MPP7: variants seen among roughly 807,000 people sequenced by gnomAD.
MPP7 encodes the protein MAGUK p55 subfamily member 7.
Under a neutral mutation model 76.5 loss-of-function variants are expected in MPP7, and 60 were observed. The ratio of observed to expected loss-of-function variants is 0.78; its 90% CI spans 0.64 to 0.97. MPP7 has a LOEUF of 0.97. MPP7 is among the 50% of genes least tolerant of loss of function. The pLI is 0.00. For missense variants in MPP7, 641 were observed against 694.0 expected (o/e 0.92, Z 0.86); for synonymous variants, 237 against 244.5 (o/e 0.97, Z 0.29).
intron 11 of MPP7, among the ~76,000 whole-genome samples, chr10:28,114,209 G>A (rs1458892897): frequency 6.6e-6 from 1 of 152,164 alleles, no homozygotes; most frequent in African/African-American, 2.4e-5. Flanking sequence ...CCAGCAGTTT[G>A]AGATCAGCGT....
At chr10:28,262,569 C>A (rs1299309992) in intron 1 of MPP7, among the ~76,000 whole-genome samples, 2 of 152,002 alleles carry the variant, frequency 1.3e-5, no homozygotes, top group Admixed American at 1.3e-4. Flanking sequence ...GCCTTTGGCC[C>A]TTTGGAAGCC....
At chr10:28,154,785 T>C (rs1835997972) in intron 3 of MPP7, among the ~76,000 whole-genome samples, 1 of 151,830 alleles carries the variant, frequency 6.6e-6, no homozygotes, top group African/African-American at 2.4e-5. Flanking sequence ...AATCCAGAGA[T>C]ATATAATCTG....
chr10:28,268,457 C>T (rs577387084), intron 1 of MPP7, among the ~76,000 whole-genome samples: 2 of 152,074 alleles, frequency 1.3e-5, no homozygotes, highest in African/African-American at 2.4e-5. Context: ...AGGGGCCAGG[C>T]GCGGTGGCTC....
Position 28,059,747 on chromosome 10 carries a change from T to C in MPP7, c.1205-4A>G, listed in dbSNP as rs1564610481. The stretch of plus-strand genomic sequence containing the variant: ...CTTCTTCTTGCTCTGGTGGTATCTA[T>C]GATTTAATGAAAAGGAGTTTAGAAA... On this transcript the variant is annotated splice_polypyrimidine_tract_variant and splice_region_variant and intron_variant, in intron 13 of 16. Transcript: ENST00000683449. The C allele has an allele frequency of 1.2e-6, 2 of 1,603,366 alleles. No homozygotes were observed. Among genetic ancestry groups the C allele is most frequent in the South Asian group, 1.1e-5 (1 of 90,154 alleles).
In MPP7 at chr10:28,134,781, T is replaced by C. The variant is rs565852547; in HGVS notation, c.316-3090A>G. Among the ~76,000 whole-genome samples, 6 of 151,694 alleles carry C rather than the reference T, an allele frequency of 4.0e-5. No individual in the cohort carries two copies. The South Asian group carries it at 6.2e-4, about 16-fold the overall frequency. On this transcript the variant is annotated intron_variant, in intron 5 of 16. Coordinates refer to ENST00000683449, the MANE Select transcript of MPP7 (RefSeq NM_001318170.2). ...AAAGGCAAAGAGAAGATCCTAAAAGTACTCAGAGCAAAAAAAGATAGATCA... is the reference window on the plus strand; with the variant it reads ...AAAGGCAAAGAGAAGATCCTAAAAGCACTCAGAGCAAAAAAAGATAGATCA...
chr10:28,165,535 G>GA (rs11366770), intron 3 of MPP7, among the ~76,000 whole-genome samples: 16 of 135,760 alleles, frequency 1.2e-4, no homozygotes, highest in African/African-American at 1.9e-4. Context: ...CTAAGAAAAG[G>GA]AAAAAAAAAA....
At chr10:28,075,679 A>G (rs1254049301) in intron 12 of MPP7, among the ~76,000 whole-genome samples, 1 of 152,054 alleles carries the variant, frequency 6.6e-6, no homozygotes, top group African/African-American at 2.4e-5. Flanking sequence ...TCACCTGACT[A>G]ATTCTCGCTT....
intron 3 of MPP7, among the ~76,000 whole-genome samples, chr10:28,162,824 T>A (rs149852608): frequency 6.6e-6 from 1 of 152,256 alleles, no homozygotes; most frequent in African/African-American, 2.4e-5. Flanking sequence ...GTCTTGCAGG[T>A]ACATGCCTAA....
chr10:28,319,513 C>CA lies in MPP7; in HGVS notation c.-132+10415dup, dbSNP rs202183110. Among the ~76,000 whole-genome samples, 993 of 150,634 alleles carry CA rather than the reference C, an allele frequency of 6.6e-3. 16 individuals are homozygous for CA. Among genetic ancestry groups the CA allele is most frequent in the African/African-American group, 0.023 (948 of 40,946 alleles). On this transcript the variant is annotated intron_variant, in intron 2 of 11. Coordinates refer to the MPP7 transcript ENST00000441595. ...GCAACATGGCAAAACCCCGTCTCTA[C>CA]AAAAAAATACAAAAATTAGCCCAGC... is the stretch of plus-strand genomic sequence containing the variant.
intron 1 of MPP7, among the ~76,000 whole-genome samples, chr10:28,271,949 C>T (rs544597665): frequency 2.6e-5 from 4 of 152,004 alleles, no homozygotes; most frequent in South Asian, 2.1e-4. Flanking sequence ...CACTCCAGCC[C>T]GGGTGACAGA....
chr10:28,330,236 G>T (rs534004245), intron 1 of MPP7, among the ~76,000 whole-genome samples: 1 of 152,310 alleles, frequency 6.6e-6, no homozygotes, highest in East Asian at 1.9e-4. Context: ...GCACTGGAGG[G>T]TGACTAAAAT....
chr10:28,248,561 C>G (rs1345134760), intron 1 of MPP7, among the ~76,000 whole-genome samples: 2 of 152,132 alleles, frequency 1.3e-5, no homozygotes, highest in East Asian at 3.9e-4. Context: ...TGTGCCCATC[C>G]CAACTTCATG....
intron 1 of MPP7, among the ~76,000 whole-genome samples, chr10:28,262,887 C>T (rs1214670883): frequency 6.6e-6 from 1 of 152,042 alleles, no homozygotes; most frequent in Non-Finnish European, 1.5e-5. Context: ...GAAACCCCAT[C>T]GCTACTAAAA....
intron 1 of MPP7, among the ~76,000 whole-genome samples, chr10:28,280,908 C>CTTTCTCT (rs1321284289): frequency 6.6e-6 from 1 of 151,934 alleles, no homozygotes; most frequent in Non-Finnish European, 1.5e-5. Context: ...AAATGCATGC[C>CTTTCTCT]TTGTACACAT....
Position 28,278,602 on chromosome 10 carries a change from G to T in MPP7, c.-132+24259C>A, listed in dbSNP as rs1032337132. Among the ~76,000 whole-genome samples, 7 of 151,994 alleles carry T rather than the reference G, an allele frequency of 4.6e-5. No homozygotes were observed. The East Asian group carries it at 7.7e-4, about 17-fold the overall frequency. On this transcript the variant is annotated intron_variant, in intron 1 of 16. Coordinates refer to ENST00000683449, the MANE Select transcript of MPP7 (RefSeq NM_001318170.2). ...GATAGATTTTTAAAAGCAAGTAACA[G>T]AATGAAACACACAGTGTATCATTTA...
At chr10:28,276,580 A>G (rs1840504428) in intron 1 of MPP7, among the ~76,000 whole-genome samples, 1 of 152,088 alleles carries the variant, frequency 6.6e-6, no homozygotes, top group Non-Finnish European at 1.5e-5. Flanking sequence ...TAAAGGATCA[A>G]TAGAATGTAA....
At chr10:28,191,166 G>T (rs1057345916) in intron 3 of MPP7, among the ~76,000 whole-genome samples, 4 of 152,088 alleles carry the variant, frequency 2.6e-5, no homozygotes, top group African/African-American at 7.2e-5. Flanking sequence ...CAAGCACCAG[G>T]TCCAGATGGC....
At chr10:28,235,307 C>T (rs919160312) in intron 2 of MPP7, among the ~76,000 whole-genome samples, 10 of 151,380 alleles carry the variant, frequency 6.6e-5, no homozygotes, top group African/African-American at 2.2e-4. Context: ...AATGAATTTA[C>T]CATACTAATG....
intron 1 of MPP7, among the ~76,000 whole-genome samples, chr10:28,240,657 GT>G (rs1009468663): frequency 2.6e-5 from 4 of 152,172 alleles, no homozygotes; most frequent in African/African-American, 9.6e-5. Context: ...GTATGGAGCT[GT>G]TTTTTCTAAC....
Sources: gnomAD v4.1 joint callset for allele counts (sites outside exome capture counted in the v4.1 genomes callset) on GRCh38, gnomAD v4.1.1 for gene constraint, MANE v1.5 for transcripts, NCBI Gene and HGNC (gene_info 2026-07-23, HGNC 2026-07-21) for gene names.